TMC2: variants seen among roughly 807,000 people sequenced by gnomAD.
The protein encoded by TMC2 is transmembrane channel like 2.
TMC2 carries 102 observed loss-of-function variants against 105.9 expected under a neutral mutation model. The ratio of observed to expected loss-of-function variants is 0.96; its 90% CI spans 0.82 to 1.14. The LOEUF (loss-of-function observed/expected upper bound fraction) is 1.14, where lower values mean the gene tolerates loss of function less well. TMC2 is among the 50% of genes most tolerant of loss of function. The probability of loss-of-function intolerance (pLI) is 0.00; values close to 1 mark genes in which losing one functional copy is unlikely to be tolerated. For missense variants in TMC2, 1,093 were observed against 1,134.3 expected, an observed-to-expected ratio of 0.96 and a Z score of 0.52; for synonymous variants, 402 against 422.8, an observed-to-expected ratio of 0.95 and a Z score of 0.60.
At chr20:2,615,383 C>A (rs563126468) in intron 14 of TMC2, among the ~76,000 whole-genome samples, 2 of 152,244 alleles carry the variant, frequency 1.3e-5, no homozygotes, top group East Asian at 3.8e-4. Context: ...CTTCTTCCAT[C>A]CATGCATGCT....
At chr20:2,600,996 A>G (rs866983461) in intron 10 of TMC2, among the ~76,000 whole-genome samples, 3,535 of 151,418 alleles carry the variant, frequency 0.023, 153 homozygotes, top group African/African-American at 0.079. Context: ...GAAAAAAAAA[A>G]AAAAAAAAAG....
intron 5 of TMC2, among the ~76,000 whole-genome samples, chr20:2,573,175 T>C (rs1738577342): frequency 6.6e-6 from 1 of 152,178 alleles, no homozygotes; most frequent in Admixed American, 6.5e-5. Flanking sequence ...GTCTTGCCCA[T>C]GTTTCTACAT....
In TMC2 at chr20:2,563,646, G is replaced by T. The variant is rs182731034; in HGVS notation, c.554+1636G>T. 5.6e-3 allele frequency among the ~76,000 whole-genome samples: 852 copies of T among 152,210 alleles called. 8 individuals are homozygous for T. Among genetic ancestry groups the T allele is most frequent in the African/African-American group, 0.02 (821 of 41,528 alleles). On this transcript the variant is annotated intron_variant, in intron 4 of 19. Transcript: ENST00000358864. ...TCACCACATACAAGAAACAAGTATG[G>T]GAGGTAATGCGTATGTTAATTAACT...
At chr20:2,564,253 C>T (rs1335547783) in intron 4 of TMC2, among the ~76,000 whole-genome samples, 3 of 148,778 alleles carry the variant, frequency 2.0e-5, no homozygotes, top group African/African-American at 5.0e-5. Context: ...CAGGTTCAAG[C>T]GATTCTCCTG....
chr20:2,563,411 T>C (rs954453204), intron 4 of TMC2, among the ~76,000 whole-genome samples: 13 of 152,234 alleles, frequency 8.5e-5, no homozygotes, highest in African/African-American at 3.1e-4. Context: ...CTTTCTGCAA[T>C]GATGGAAATC....
chr20:2,566,433 G>A (rs1465362626), intron 4 of TMC2, among the ~76,000 whole-genome samples: 1 of 152,214 alleles, frequency 6.6e-6, no homozygotes. Flanking sequence ...ATGATACACA[G>A]TAGGATGTGA....
rs1182535374 is a variant in TMC2, at chr20:2,558,371, G to T, written c.83-85G>T. 5.2e-6 allele frequency: 8 copies of T among 1,531,296 alleles called. No individual in the cohort carries two copies. Among genetic ancestry groups the T allele is most frequent in the Non-Finnish European group, 7.0e-6 (8 of 1,138,088 alleles). 94.9% of individuals were successfully genotyped at this position (1,531,296 alleles called of 1,614,324 possible). A position where few individuals can be genotyped will look rare whatever the true frequency, so the allele number is the denominator to read the frequency against. On this transcript the variant is annotated intron_variant, in intron 2 of 19. Coordinates refer to ENST00000358864, the MANE Select transcript of TMC2 (RefSeq NM_080751.3). This position sits in a 1 kb window ranked among gnomAD's most constrained non-coding sequence, Gnocchi z 4.6. The stretch of plus-strand genomic sequence containing the variant: ...GCTCACAAGCTCTCGGAATCATCTT[G>T]GACGTCTGATTTCTCACGGCCGGGG...
rs2086313367 is a variant in TMC2, at chr20:2,597,084, C to A, written c.1077-67C>A. The A allele has an allele frequency of 2.6e-6, 4 of 1,562,624 alleles. No homozygotes were observed. The Admixed American group carries it at 6.8e-5, about 27-fold the overall frequency. ...TACCTGTGTCCGAGACTGGCTAGGC[C>A]AAGGTTCCCTGGGGGTGACACAGCA... is the stretch of plus-strand genomic sequence containing the variant. On this transcript the variant is annotated intron_variant, in intron 9 of 19. Transcript: ENST00000358864.
intron 1 of TMC2, among the ~76,000 whole-genome samples, 180 bp from the exon 2 acceptor site, chr20:2,537,089 A>G (rs1414199736): frequency 6.6e-6 from 1 of 152,078 alleles, no homozygotes; most frequent in Admixed American, 6.5e-5. Context: ...CTCATGACTG[A>G]CAGTATCAGA....
intron 14 of TMC2, chr20:2,613,635 C>T: frequency 5.5e-6 from 2 of 361,974 alleles, no homozygotes; most frequent in Admixed American, 7.7e-5. Flanking sequence ...TGCATCTGAG[C>T]AGCCTCAACT....
intron 5 of TMC2, 102 bp downstream of exon 5, chr20:2,572,371 C>A: frequency 1.2e-6 from 1 of 866,004 alleles, no homozygotes; most frequent in Non-Finnish European, 1.9e-6. Context: ...TTGTGTCCAG[C>A]TGCCCCCAGA....
intron 2 of TMC2, among the ~76,000 whole-genome samples, chr20:2,543,901 C>CCG (rs2085906975): frequency 9.7e-6 from 1 of 102,714 alleles, no homozygotes. Context: ...ACCTGCATGT[C>CCG]AGTTTTTTTT....
chr20:2,572,329 G>A (rs867067399), intron 5 of TMC2, 60 bp downstream of exon 5: 14 of 1,381,780 alleles, frequency 1.0e-5, no homozygotes, highest in Middle Eastern at 2.0e-4. Flanking sequence ...GGAATCTGGC[G>A]ACCAACTTCG....
chr20:2,598,330 G>A (rs1320668853), intron 10 of TMC2, among the ~76,000 whole-genome samples: 1 of 152,154 alleles, frequency 6.6e-6, no homozygotes, highest in East Asian at 1.9e-4. Flanking sequence ...GGGCTGAGGT[G>A]GGCAAACCTT....
chr20:2,612,297 C>T lies in TMC2; in HGVS notation c.1700C>T (p.Ala567Val). The change falls in exon 13 of 20, where the codon GCA (alanine) becomes GTA (valine). Residue 567 changes from alanine (A) to valine (V), a missense_variant. Physicochemically the swap from Ala to Val is moderately conservative, Grantham distance 64 (BLOSUM62 0). Transcript: ENST00000358864. The part of the protein sequence containing the change: ...ESVPRPPLHP[A>V]DVPRGSCWET... ...GTCCCCCGACCACCCCTGCACCCTG[C>T]AGATGTGCCCCGGGGTTCTTGCTGG... The T allele has an allele frequency of 6.3e-7, 1 of 1,599,286 alleles. No homozygotes were observed.
chr20:2,595,106 T>G, intron 9 of TMC2, 139 bp downstream of exon 9: 1 of 978,992 alleles, frequency 1.0e-6, no homozygotes, highest in South Asian at 1.6e-5. Context: ...ATGCACATTA[T>G]AATTTGTGGT....
At chr20:2,595,617 T>C (rs1355286501) in intron 9 of TMC2, among the ~76,000 whole-genome samples, 22 of 152,184 alleles carry the variant, frequency 1.4e-4, no homozygotes, top group Admixed American at 1.2e-3. Context: ...GCCCAGCCCA[T>C]GGATTGATCG....
chr20:2,545,077 C>T (rs976590046), intron 2 of TMC2, among the ~76,000 whole-genome samples: 6 of 151,332 alleles, frequency 4.0e-5, no homozygotes, highest in Non-Finnish European at 8.8e-5. Context: ...CATGGTGGCA[C>T]ACACCTGTAG....
At chr20:2,626,843 A>G (rs1478588635) in intron 17 of TMC2, among the ~76,000 whole-genome samples, 1 of 152,230 alleles carries the variant, frequency 6.6e-6, no homozygotes, top group Non-Finnish European at 1.5e-5. Context: ...AGAAATGAAG[A>G]CAAAGAAAAA....
Sources: gnomAD v4.1 joint callset for allele counts (sites outside exome capture counted in the v4.1 genomes callset) on GRCh38, gnomAD v4.1.1 for gene constraint, Gnocchi (gnomAD v3.1) non-coding constraint, MANE v1.5 for transcripts, NCBI Gene and HGNC (gene_info 2026-07-23, HGNC 2026-07-21) for gene names.